FRMD4B: variants seen among roughly 807,000 people sequenced by gnomAD.
The protein encoded by FRMD4B is FERM domain containing 4B, also known as FERM domain-containing protein 4B.
Under a neutral mutation model 141.5 loss-of-function variants are expected in FRMD4B, and 74 were observed. That is an observed-to-expected ratio of 0.52 (90% CI 0.43 to 0.63). The LOEUF is 0.63. Among genes scored for constraint, FRMD4B ranks in the 30% least tolerant of loss-of-function variants. The pLI is 0.00. For missense variants in FRMD4B, 1,366 were observed against 1,253.4 expected (o/e 1.09, Z -1.36); for synonymous variants, 506 against 467.9 (o/e 1.08, Z -1.05).
At chr3:69,494,802 G>T (rs1462172757) in intron 1 of FRMD4B, among the ~76,000 whole-genome samples, 1 of 152,104 alleles carries the variant, frequency 6.6e-6, no homozygotes, top group Non-Finnish European at 1.5e-5. Context: ...TGAGGCAGGA[G>T]AATTGCTTGA....
In FRMD4B at chr3:69,385,879, C is replaced by T. The variant is rs760070753; in HGVS notation, c.111G>A (p.Arg37=). The T allele has an allele frequency of 5.0e-6, 8 of 1,600,484 alleles. No homozygotes were observed. The Admixed American group carries it at 6.9e-5, about 14-fold the overall frequency. The change falls in exon 1 of 23, where the codon CGG becomes CGA. Residue 37 remains arginine, a synonymous_variant. Transcript: ENST00000398540. ...ACGTCCGCAGCACCTGGTGGCAAGC[C>T]CGCAGCCTCTCCGTGTACCATCTCC... ...TLRRWYTERL[R]ACHQVLRTWC... is the part of the protein sequence containing the mutation.
chr3:69,493,189 A>G (rs9810240), intron 1 of FRMD4B, among the ~76,000 whole-genome samples: 86,733 of 152,162 alleles, frequency 0.57, 26,555 homozygotes, highest in African/African-American at 0.82. Context: ...AAAGGGAACT[A>G]TTGGCCAAAT....
chr3:69,381,832 T>C (rs1553733644), intron 1 of FRMD4B, among the ~76,000 whole-genome samples: 1 of 152,218 alleles, frequency 6.6e-6, no homozygotes, highest in Non-Finnish European at 1.5e-5. Context: ...GTTGGTTGCA[T>C]TTCAGCCAAA....
chr3:69,302,099 A>G (rs896043100), intron 4 of FRMD4B, among the ~76,000 whole-genome samples: 1 of 152,220 alleles, frequency 6.6e-6, no homozygotes, highest in Non-Finnish European at 1.5e-5. Context: ...GCTTTGAGGA[A>G]TAAAGGAAGG....
chr3:69,261,216 A>T (rs574531957), intron 5 of FRMD4B, among the ~76,000 whole-genome samples: 1 of 152,324 alleles, frequency 6.6e-6, no homozygotes, highest in South Asian at 2.1e-4. Context: ...TCATTTATGA[A>T]GCCAGTGAGA....
chr3:69,512,121 G>A (rs1464652722), intron 1 of FRMD4B, among the ~76,000 whole-genome samples: 2 of 152,148 alleles, frequency 1.3e-5, no homozygotes, highest in Non-Finnish European at 2.9e-5. Flanking sequence ...GAGAGAAGAA[G>A]CTGCAGAGGT....
At chr3:69,294,489 C>T (rs1700977750) in intron 4 of FRMD4B, among the ~76,000 whole-genome samples, 1 of 152,192 alleles carries the variant, frequency 6.6e-6, no homozygotes, top group Non-Finnish European at 1.5e-5. Context: ...GGAGAATTCC[C>T]AGGGGAAGCA....
chr3:69,181,784 T>C, intron 20 of FRMD4B, 74 bp from the exon 21 acceptor site: 1 of 868,698 alleles, frequency 1.2e-6, no homozygotes, highest in Non-Finnish European at 1.8e-6. Flanking sequence ...AAGAATAGCA[T>C]GCTGAATGAC....
intron 1 of FRMD4B, among the ~76,000 whole-genome samples, chr3:69,367,422 C>T (rs1703697683): frequency 6.6e-6 from 1 of 152,150 alleles, no homozygotes; most frequent in Non-Finnish European, 1.5e-5. Context: ...ACACACATTG[C>T]TTGCATATAT....
rs541891461 is a variant in FRMD4B, at chr3:69,339,955, C to T, written c.163-26438G>A. 8.5e-5 allele frequency among the ~76,000 whole-genome samples: 13 copies of T among 152,104 alleles called. No individual in the cohort carries two copies. In the South Asian group the frequency reaches 1.2e-3, roughly 15 times the overall value. ...CAGAAAAAAACTCCCATCCCTGAGG[C>T]GGCCTACCAAGCCCTGCACTGCCTC... On this transcript the variant is annotated intron_variant, in intron 1 of 22. Transcript: ENST00000398540.
chr3:69,169,130 G>A lies in FRMD4B; in HGVS notation c.*2731C>T, dbSNP rs1018108574. On this transcript the variant is annotated 3_prime_UTR_variant, in exon 23 of 23. Coordinates refer to ENST00000398540, the MANE Select transcript of FRMD4B (RefSeq NM_015123.3). The stretch of plus-strand genomic sequence containing the variant: ...TATATCTGAGAGTGTTCGGCTAATG[G>A]GCACGATTATGTTTTTGTTATGTAC... Among the ~76,000 whole-genome samples the A allele has an allele frequency of 9.1e-4, 138 of 151,944 alleles. 1 individual carries two copies. The highest frequency in any genetic ancestry group is 3.0e-3 in the African/African-American group (126 of 41,416).
At chr3:69,315,900 T>G (rs893335268) in intron 1 of FRMD4B, among the ~76,000 whole-genome samples, 3 of 152,136 alleles carry the variant, frequency 2.0e-5, no homozygotes, top group African/African-American at 7.2e-5. Context: ...TAAACCTAAT[T>G]GAAAAAGAAA....
At chr3:69,212,532 T>G (rs1190718615) in intron 11 of FRMD4B, among the ~76,000 whole-genome samples, 1 of 152,060 alleles carries the variant, frequency 6.6e-6, no homozygotes, top group Admixed American at 6.6e-5. Context: ...TTCTAGACTC[T>G]GGAATGAACA....
At chr3:69,184,064 G>GTTTATTTTT (rs907810941) in intron 19 of FRMD4B, among the ~76,000 whole-genome samples, 1 of 151,694 alleles carries the variant, frequency 6.6e-6, no homozygotes, top group Non-Finnish European at 1.5e-5. Flanking sequence ...CCTGGCTAAT[G>GTTTATTTTT]TTTATTTTTT....
chr3:69,300,717 G>A (rs2107157539), intron 4 of FRMD4B, among the ~76,000 whole-genome samples: 1 of 152,304 alleles, frequency 6.6e-6, no homozygotes, highest in African/African-American at 2.4e-5. Context: ...GATGTTAGGT[G>A]CAACCTATTG....
intron 1 of FRMD4B, among the ~76,000 whole-genome samples, chr3:69,441,096 T>C (rs1375677934): frequency 1.3e-5 from 2 of 152,176 alleles, no homozygotes; most frequent in African/African-American, 4.8e-5. Flanking sequence ...TAGCAAATCA[T>C]CCCTCCCTGA....
intron 1 of FRMD4B, among the ~76,000 whole-genome samples, chr3:69,354,736 A>G (rs1703263087): frequency 6.6e-6 from 1 of 152,122 alleles, no homozygotes; most frequent in South Asian, 2.1e-4. Context: ...TCCCTCAGAA[A>G]CCGGGGAGTG....
chr3:69,215,206 C>T (rs2093127788), intron 11 of FRMD4B, among the ~76,000 whole-genome samples: 1 of 146,126 alleles, frequency 6.8e-6, no homozygotes, highest in South Asian at 2.2e-4. Context: ...AAAAAAACAG[C>T]TTCATAGTAA....
At chr3:69,465,632 T>C (rs1447700738) in intron 1 of FRMD4B, among the ~76,000 whole-genome samples, 4 of 150,286 alleles carry the variant, frequency 2.7e-5, no homozygotes, top group Non-Finnish European at 5.9e-5. Flanking sequence ...TGAGTAAGAA[T>C]ATGTGGTGTT....
Sources: gnomAD v4.1 joint callset for allele counts (sites outside exome capture counted in the v4.1 genomes callset) on GRCh38, gnomAD v4.1.1 for gene constraint, MANE v1.5 for transcripts, NCBI Gene and HGNC (gene_info 2026-07-23, HGNC 2026-07-21) for gene names.